Variants in TAF12 observed in about 807,000 individuals in gnomAD.
TAF12 encodes transcription initiation factor TFIID subunit 12.
In TAF12, 3 loss-of-function variants were observed where a neutral mutation model predicts 20.8. The observed-to-expected ratio is 0.14, with a 90% CI of 0.07 to 0.37. The LOEUF (loss-of-function observed/expected upper bound fraction) is 0.37, where lower values mean the gene tolerates loss of function less well. TAF12 is among the 10% of genes least tolerant of loss of function. TAF12 has a pLI of 1.00. For synonymous variants in TAF12, 69 were observed against 70.2 expected (o/e 0.98, Z 0.09); for missense variants, 131 against 197.9 (o/e 0.66, Z 2.03).
chr1:28,608,417 T>A (rs185656455), intron 4 of TAF12, among the ~76,000 whole-genome samples: 1 of 151,434 alleles, frequency 6.6e-6, no homozygotes, highest in East Asian at 2.0e-4. Context: ...AATTGAACTT[T>A]ACAGTCAACA....
At position 28,603,479 on chromosome 1, in the gene TAF12, G is replaced by C; in HGVS notation, c.*60C>G. 6.3e-7 allele frequency: 1 copy of C among 1,575,246 alleles called. No homozygotes were observed. Among genetic ancestry groups the C allele is most frequent in the Non-Finnish European group, 8.7e-7 (1 of 1,148,332 alleles). On this transcript the variant is annotated 3_prime_UTR_variant, in exon 6 of 6. Coordinates refer to ENST00000373824, the MANE Select transcript of TAF12 (RefSeq NM_005644.4). ...AAAAAAATCCAAGGATGAGATGGCT[G>C]AGTTCTCAGCTCAAGTATCTCCAAA...
chr1:28,621,831 G>T, intron 2 of TAF12, 83 bp downstream of exon 2: 1 of 1,529,380 alleles, frequency 6.5e-7, no homozygotes, highest in South Asian at 1.3e-5. Context: ...AGCAGCATCT[G>T]AGATGGACAT....
intron 1 of TAF12, among the ~76,000 whole-genome samples, chr1:28,631,570 A>G (rs912664339): frequency 2.0e-5 from 3 of 151,648 alleles, no homozygotes; most frequent in African/African-American, 7.3e-5. Context: ...TGGCTCATGC[A>G]TGTAATCCCA....
intron 2 of TAF12, among the ~76,000 whole-genome samples, chr1:28,620,157 G>A (rs1196538660): frequency 1.3e-4 from 19 of 149,562 alleles, no homozygotes; most frequent in African/African-American, 2.7e-4. Flanking sequence ...TTTTTGAGAC[G>A]GAATCTCGTT....
At chr1:28,612,942 T>A (rs1218733169) in intron 4 of TAF12, among the ~76,000 whole-genome samples, 1 of 152,164 alleles carries the variant, frequency 6.6e-6, no homozygotes, top group African/African-American at 2.4e-5. Context: ...ACGATTATTC[T>A]GTAAGGAGGA....
chr1:28,609,322 C>T (rs1358056234), intron 4 of TAF12, among the ~76,000 whole-genome samples: 2 of 151,912 alleles, frequency 1.3e-5, no homozygotes, highest in Admixed American at 6.6e-5. Context: ...GGGAAATGCC[C>T]GCCTCGGCCT....
chr1:28,643,839 C>G (rs909393699), upstream of TAF12, among the ~76,000 whole-genome samples: 1 of 152,024 alleles, frequency 6.6e-6, no homozygotes, highest in Non-Finnish European at 1.5e-5. Context: ...ATCACGAGGT[C>G]AAGAGTTCAA....
intron 2 of TAF12, among the ~76,000 whole-genome samples, chr1:28,621,596 T>C (rs1451562302): frequency 1.3e-5 from 2 of 152,192 alleles, no homozygotes; most frequent in African/African-American, 2.4e-5. Context: ...GATGTATATA[T>C]GCATACACAC....
intron 1 of TAF12, among the ~76,000 whole-genome samples, chr1:28,640,256 A>C (rs1667988395): frequency 6.6e-6 from 1 of 152,240 alleles, no homozygotes; most frequent in South Asian, 2.1e-4. Context: ...GCTTCTGTGA[A>C]AACAGAATTT....
chr1:28,603,715 G>C, intron 5 of TAF12, 141 bp from the exon 6 acceptor site: 1 of 773,686 alleles, frequency 1.3e-6, no homozygotes, highest in Non-Finnish European at 2.2e-6. Context: ...AGGCATCTCA[G>C]TAGATTCCTT....
rs148652792 is a variant in TAF12 at position 28,633,283 on chromosome 1, C to A, written c.-85+9709G>T. ...CCGGGTTCAAGCGATTCTACTGCCT[C>A]AGCCTCCAGAGTAGCTGGGATTACA... On this transcript the variant is annotated intron_variant, in intron 1 of 5. Transcript: ENST00000373824. Among the ~76,000 whole-genome samples, 1,197 of 151,114 alleles carry A rather than the reference C, an allele frequency of 7.9e-3. 13 individuals are homozygous for A. Among genetic ancestry groups the A allele is most frequent in the African/African-American group, 0.027 (1,109 of 41,270 alleles).
chr1:28,624,230 C>T (rs1476585435), intron 1 of TAF12, among the ~76,000 whole-genome samples: 1 of 152,136 alleles, frequency 6.6e-6, no homozygotes, highest in Non-Finnish European at 1.5e-5. Flanking sequence ...ATGATTATGG[C>T]ACATATAGAC....
intron 2 of TAF12, among the ~76,000 whole-genome samples, chr1:28,621,274 C>T (rs1039378029): frequency 3.9e-5 from 6 of 152,106 alleles, no homozygotes; most frequent in Non-Finnish European, 7.3e-5. Flanking sequence ...TTCTACACAG[C>T]CTACAAAAAA....
At chr1:28,641,793 C>CAAA (rs35540210) in intron 1 of TAF12, among the ~76,000 whole-genome samples, 1,061 of 86,034 alleles carry the variant, frequency 0.012, 19 homozygotes, top group African/African-American at 0.028. Flanking sequence ...GAACCTGTCT[C>CAAA]AAAAAAAAAA....
chr1:28,635,814 G>GT (rs199651179), intron 1 of TAF12, among the ~76,000 whole-genome samples: 10 of 145,600 alleles, frequency 6.9e-5, no homozygotes, highest in Non-Finnish European at 9.1e-5. Context: ...TCCATTAACT[G>GT]TTTTTTTTTT....
upstream of TAF12, among the ~76,000 whole-genome samples, chr1:28,645,493 C>G (rs1668162923): frequency 6.8e-6 from 1 of 147,536 alleles, no homozygotes; most frequent in Admixed American, 6.8e-5. Flanking sequence ...ACTAAAAATA[C>G]AAAAATTAGC....
intron 4 of TAF12, among the ~76,000 whole-genome samples, chr1:28,607,411 C>T (rs1358076069): frequency 6.6e-6 from 1 of 152,148 alleles, no homozygotes; most frequent in Non-Finnish European, 1.5e-5. Context: ...TGGGTCACGC[C>T]TGTAATCCCA....
intron 1 of TAF12, among the ~76,000 whole-genome samples, chr1:28,623,663 A>G (rs1218773926): frequency 1.3e-5 from 2 of 152,230 alleles, no homozygotes; most frequent in Non-Finnish European, 2.9e-5. Flanking sequence ...TTAAGAATAC[A>G]GACTAGTTCA....
chr1:28,624,912 G>C (rs1456779132), intron 1 of TAF12, among the ~76,000 whole-genome samples: 3 of 152,144 alleles, frequency 2.0e-5, no homozygotes, highest in Non-Finnish European at 4.4e-5. Flanking sequence ...AGAGTATTAG[G>C]ATCACTTGTT....
Sources: gnomAD v4.1 joint callset for allele counts (sites outside exome capture counted in the v4.1 genomes callset) on GRCh38, gnomAD v4.1.1 for gene constraint, MANE v1.5 for transcripts, NCBI Gene and HGNC (gene_info 2026-07-23, HGNC 2026-07-21) for gene names.